Variants in DNPH1 observed in about 807,000 individuals in gnomAD.
DNPH1 encodes the protein 2'-deoxynucleoside 5'-phosphate N-hydrolase 1, also known as 5-hydroxymethyl-dUMP N-hydrolase.
In DNPH1, 18 loss-of-function variants were observed where a neutral mutation model predicts 15.7. The observed-to-expected ratio is 1.15, with a 90% CI of 0.79 to 1.70. The LOEUF (loss-of-function observed/expected upper bound fraction) is 1.70. DNPH1 is among the 40% of genes most tolerant of loss of function. DNPH1 has a pLI of 0.00. For synonymous variants in DNPH1, 114 were observed against 107.9 expected (o/e 1.06, Z -0.35); for missense variants, 262 against 255.2 (o/e 1.03, Z -0.18).
intron 1 of DNPH1, among the ~76,000 whole-genome samples, chr6:43,228,102 A>C (rs949469819): frequency 3.3e-5 from 5 of 152,114 alleles, no homozygotes; most frequent in African/African-American, 9.7e-5. Flanking sequence ...ATAAATAACT[A>C]AATAAATAGA....
chr6:43,228,961 T>C, intron 1 of DNPH1: 1 of 236,730 alleles, frequency 4.2e-6, no homozygotes. Context: ...ACCTTCTTTC[T>C]GTTGCACCCT....
At chr6:43,227,716 A>G (rs1046817458) in intron 1 of DNPH1, among the ~76,000 whole-genome samples, 2 of 151,900 alleles carry the variant, frequency 1.3e-5, no homozygotes, top group Non-Finnish European at 2.9e-5. Flanking sequence ...AGGTTTTCTG[A>G]GCAGAAGCAC....
In DNPH1 at chr6:43,226,659, GA is replaced by G. The variant is rs1235524194; in HGVS notation, c.197-265del. ...CTAACTGTGGATGACATTGATTAGG[GA>G]AAGGTGCATGGGCACTTAGCCAAAA... On this transcript the variant is annotated intron_variant, in intron 1 of 3. Coordinates refer to ENST00000230431, the MANE Select transcript of DNPH1 (RefSeq NM_006443.3). This position sits in a 1 kb window ranked among gnomAD's most constrained non-coding sequence, Gnocchi z 4.1. 4.0e-6 allele frequency: 2 copies of G among 505,742 alleles called. No individual in the cohort carries two copies. Among genetic ancestry groups the G allele is most frequent in the Admixed American group, 7.4e-5 (2 of 26,974 alleles). 31.3% of individuals were successfully genotyped at this position (505,742 alleles called of 1,614,324 possible).
intron 1 of DNPH1, among the ~76,000 whole-genome samples, chr6:43,227,287 C>T (rs1002404595): frequency 1.3e-5 from 2 of 151,794 alleles, no homozygotes; most frequent in Admixed American, 6.6e-5. Flanking sequence ...TGGTAGCAGG[C>T]GCCTGTAATC....
At position 43,226,250 on chromosome 6, in the gene DNPH1, G is replaced by A. The variant is rs554179790; in HGVS notation, c.265+77C>T. 6.3e-5 allele frequency: 101 copies of A among 1,600,346 alleles called. No individual in the cohort carries two copies. The South Asian group carries it at 1.0e-3, about 16-fold the overall frequency. On this transcript the variant is annotated intron_variant, in intron 2 of 3. Coordinates refer to ENST00000230431, the MANE Select transcript of DNPH1 (RefSeq NM_006443.3). This position sits in a 1 kb window ranked among gnomAD's most constrained non-coding sequence, Gnocchi z 4.1. Reference sequence around the variant, plus strand: ...GAGGGAACTCTGGGAGTCCCTTCTAGGTGTGGAGGCTGGGATGTCCAGGGG... The same window carrying A: ...GAGGGAACTCTGGGAGTCCCTTCTAAGTGTGGAGGCTGGGATGTCCAGGGG...
In DNPH1 at chr6:43,226,171, A is replaced by G; in HGVS notation, c.266-28T>C. On this transcript the variant is annotated intron_variant, in intron 2 of 3. Transcript: ENST00000230431. The surrounding 1 kb of genome is among the most constrained non-coding windows in gnomAD (Gnocchi z 4.1). Reference sequence around the variant, plus strand: ...GGGAGGAAAGATGAGAGGAAGCCTCAGCATTGGGGGCACTTGAGGTTCATA... The same window carrying G: ...GGGAGGAAAGATGAGAGGAAGCCTCGGCATTGGGGGCACTTGAGGTTCATA... 1.2e-6 allele frequency: 2 copies of G among 1,611,918 alleles called. No individual in the cohort carries two copies. Among genetic ancestry groups the G allele is most frequent in the Non-Finnish European group, 1.7e-6 (2 of 1,179,716 alleles).
intron 1 of DNPH1, 108 bp downstream of exon 1, chr6:43,229,153 C>A (rs929316251): frequency 2.6e-6 from 3 of 1,144,710 alleles, no homozygotes; most frequent in South Asian, 1.7e-5. Flanking sequence ...GGGCTCCGGG[C>A]GCCGGGAGCG....
chr6:43,226,801 G>A lies in DNPH1; in HGVS notation c.197-406C>T, dbSNP rs1446772715. 6.6e-6 allele frequency among the ~76,000 whole-genome samples: 1 copy of A among 152,216 alleles called. No individual in the cohort carries two copies. Among genetic ancestry groups the A allele is most frequent in the Non-Finnish European group, 1.5e-5 (1 of 68,030 alleles). The stretch of plus-strand genomic sequence containing the variant: ...CGCATCAGGGTAGGACCACTGGGGA[G>A]CTTGTTAGAAGTACAGATTCCAGGG... On this transcript the variant is annotated intron_variant, in intron 1 of 3. Transcript: ENST00000230431. This position sits in a 1 kb window ranked among gnomAD's most constrained non-coding sequence, Gnocchi z 4.1.
In DNPH1 at chr6:43,226,274, G is replaced by T; in HGVS notation, c.265+53C>A. On this transcript the variant is annotated intron_variant, in intron 2 of 3. Coordinates refer to ENST00000230431, the MANE Select transcript of DNPH1 (RefSeq NM_006443.3). The surrounding 1 kb of genome is among the most constrained non-coding windows in gnomAD (Gnocchi z 4.1). ...AGGTGTGGAGGCTGGGATGTCCAGG[G>T]GAACCCAGCACTCCAGAGGAGTTAG... The T allele has an allele frequency of 6.2e-7, 1 of 1,603,770 alleles. No homozygotes were observed. The highest frequency in any genetic ancestry group is 8.5e-7 in the Non-Finnish European group (1 of 1,175,652).
Position 43,225,984 on chromosome 6 carries a change from C to G in DNPH1, c.376+49G>C, listed in dbSNP as rs767709973. On this transcript the variant is annotated intron_variant, in intron 3 of 3. Transcript: ENST00000230431. ...TGCTCAGAGCCCACCAGGGAAGGAG[C>G]TGAGGGCTGGGTCCATAGAAAGCCA... 17 of 1,612,994 alleles carry G rather than the reference C, an allele frequency of 1.1e-5. No homozygotes were observed. The East Asian group carries it at 2.9e-4, about 27-fold the overall frequency.
In DNPH1 at chr6:43,229,326, G is replaced by A. The variant is rs1315486526; in HGVS notation, c.131C>T (p.Ser44Phe). Residue 44 changes from serine (S) to phenylalanine (F), a missense_variant, in exon 1 of 4, where the codon TCT (serine) becomes TTT (phenylalanine). Physicochemically the swap from Ser to Phe is radical, Grantham distance 155. Coordinates refer to ENST00000230431, the MANE Select transcript of DNPH1 (RefSeq NM_006443.3). ...EDRTLYERIV[S>F]RLRRFGTVLT... The stretch of plus-strand genomic sequence containing the variant: ...CACTGTCCCGAATCGCCGCAGCCGA[G>A]ACACGATCCGCTCGTACAGCGTCCT... 1 of 1,491,096 alleles carries A rather than the reference G, an allele frequency of 6.7e-7. No individual in the cohort carries two copies. The highest frequency in any genetic ancestry group is 8.9e-7 in the Non-Finnish European group (1 of 1,123,656). 92.4% of individuals were successfully genotyped at this position (1,491,096 alleles called of 1,614,324 possible).
rs111547568 is a variant in DNPH1, at chr6:43,225,857, G to C, written c.401C>G (p.Ala134Gly). The C allele has an allele frequency of 8.1e-6, 13 of 1,614,180 alleles. No individual in the cohort carries two copies. In the African/African-American group the frequency reaches 9.3e-5, roughly 12 times the overall value. ...CACCTGGAACCGAGAGCCATCTGCT[G>C]CTCCCCGGATCATGGCCGAAAGCAC... ...GRVLSAMIRG[A>G]ADGSRFQVWD... The change falls in exon 4 of 4, where the codon GCA becomes GGA. Residue 134 changes from alanine (A) to glycine (G), a missense_variant. By Grantham distance (60) the Ala-to-Gly change is moderately conservative. Transcript: ENST00000230431.
At chr6:43,228,399 C>G (rs749030487) in intron 1 of DNPH1, among the ~76,000 whole-genome samples, 4 of 152,116 alleles carry the variant, frequency 2.6e-5, no homozygotes, top group Non-Finnish European at 5.9e-5. Flanking sequence ...CTGCAGTGAG[C>G]TATGATCGCA....
Position 43,229,281 on chromosome 6 carries a change from G to A in DNPH1, c.176C>T (p.Ala59Val), listed in dbSNP as rs764768424. 4 of 1,436,684 alleles carry A rather than the reference G, an allele frequency of 2.8e-6. No homozygotes were observed. Among genetic ancestry groups the A allele is most frequent in the Non-Finnish European group, 3.7e-6 (4 of 1,093,438 alleles). The allele number at this position is 1,436,684 out of a possible 1,614,324, so 89.0% of individuals were successfully genotyped here. A position where few individuals can be genotyped will look rare whatever the true frequency, so the allele number is the denominator to read the frequency against. ...FGTVLTEHVA[A>V]AELGARGEEA... ...CTCACCGCGCGCGCCCAGCTCGGCG[G>A]CCGCCACGTGCTCGGTGAGCACTGT... The change falls in exon 1 of 4, where the codon GCC becomes GTC. Residue 59 changes from alanine (A) to valine (V), a missense_variant. By Grantham distance (64) the Ala-to-Val change is moderately conservative (BLOSUM62 0). Coordinates refer to ENST00000230431, the MANE Select transcript of DNPH1 (RefSeq NM_006443.3).
chr6:43,229,205 C>T, intron 1 of DNPH1, 56 bp downstream of exon 1: 2 of 1,278,562 alleles, frequency 1.6e-6, no homozygotes, highest in African/African-American at 1.6e-5. Context: ...CGGGTCCCTG[C>T]CACCCCAGCC....
rs757262561 is a variant in DNPH1 at position 43,225,822 on chromosome 6, C to A, written c.436G>T (p.Glu146Ter). ...DGSRFQVWDYEEGEVEALLDR... is the reference protein window; with the variant it reads ...DGSRFQVWDY ...AGCAGGGCCTCCACCTCTCCCTCCT[C>A]ATAGTCCCACACCTGGAACCGAGAG... Residue 146 changes from glutamate to a stop codon, truncating the protein, a stop_gained, in exon 4 of 4, where the codon GAG becomes TAG. Coordinates refer to ENST00000230431, the MANE Select transcript of DNPH1 (RefSeq NM_006443.3). LOFTEE classifies it low-confidence loss of function (END_TRUNC). The A allele has an allele frequency of 1.2e-6, 2 of 1,614,218 alleles. No individual in the cohort carries two copies. The highest frequency in any genetic ancestry group is 4.5e-5 in the East Asian group (2 of 44,884).
Position 43,226,116 on chromosome 6 carries a change from G to A in DNPH1, c.293C>T (p.Ser98Phe), listed in dbSNP as rs1776730587. 15 of 1,613,490 alleles carry A rather than the reference G, an allele frequency of 9.3e-6. No homozygotes were observed. Among genetic ancestry groups the A allele is most frequent in the Non-Finnish European group, 1.3e-5 (15 of 1,180,012 alleles). The stretch of plus-strand genomic sequence containing the variant: ...GCCCAGCTCATAGCCTACACCCAAG[G>A]ATGGCTGTGTCACTTCTGCCACGAC... ...DVVVAEVTQP[S>F]LGVGYELGRA... The change falls in exon 3 of 4, where the codon TCC (serine) becomes TTC (phenylalanine). Residue 98 changes from serine (S) to phenylalanine (F), a missense_variant. Coordinates refer to ENST00000230431, the MANE Select transcript of DNPH1 (RefSeq NM_006443.3). The surrounding 1 kb of genome is among the most constrained non-coding windows in gnomAD (Gnocchi z 4.1).
intron 1 of DNPH1, 180 bp downstream of exon 1, chr6:43,229,081 C>T: frequency 1.6e-6 from 1 of 612,326 alleles, no homozygotes; most frequent in South Asian, 1.6e-5. Context: ...CCACGCAGCC[C>T]GAGCCCCGGC....
Position 43,229,414 on chromosome 6 carries a change from G to GCTCCCAGCT in DNPH1, c.34_42dup (p.Ser12_Glu14dup), listed in dbSNP as rs1188583847. On this transcript the variant is annotated inframe_insertion, in exon 1 of 4. Transcript: ENST00000230431. ...AGGGCCGGGCGGCCAGGCTCCCCGCGCTCCCAGCTCTCGCTGCGCCCCGGC... is the reference window on the plus strand; with the variant it reads ...AGGGCCGGGCGGCCAGGCTCCCCGCGCTCCCAGCTCTCCCAGCTCTCGCTGCGCCCCGGC... 5 of 1,418,196 alleles carry GCTCCCAGCT rather than the reference G, an allele frequency of 3.5e-6. No homozygotes were observed. The highest frequency in any genetic ancestry group is 4.6e-6 in the Non-Finnish European group (5 of 1,082,204). 87.9% of individuals were successfully genotyped at this position (1,418,196 alleles called of 1,614,324 possible). A position where few individuals can be genotyped will look rare whatever the true frequency, so the allele number is the denominator to read the frequency against.
Sources: gnomAD v4.1 joint callset for allele counts (sites outside exome capture counted in the v4.1 genomes callset) on GRCh38, gnomAD v4.1.1 for gene constraint, Gnocchi (gnomAD v3.1) non-coding constraint, MANE v1.5 for transcripts, NCBI Gene and HGNC (gene_info 2026-07-23, HGNC 2026-07-21) for gene names.